The following SSBP3 variants were observed in gnomAD, a reference collection of about 807,000 sequenced individuals.
The protein encoded by SSBP3 is single stranded DNA binding protein 3, also known as single-stranded DNA-binding protein 3.
A neutral mutation model predicts 69.6 loss-of-function variants in SSBP3; 5 were observed. The ratio of observed to expected loss-of-function variants is 0.07; its 90% CI spans 0.04 to 0.15. SSBP3 has a LOEUF of 0.15. Ranked by LOEUF, SSBP3 falls within the 10% of genes least tolerant of loss-of-function variation. SSBP3 has a pLI of 1.00. For synonymous variants in SSBP3, 196 were observed against 193.4 expected (o/e 1.01, Z -0.11); for missense variants, 312 against 534.0 (o/e 0.58, Z 4.10).
At chr1:54,413,004 G>C (rs1306343644) in intron 1 of SSBP3, 1 of 152,172 alleles carries the variant, frequency 6.6e-6, no homozygotes, top group African/African-American at 2.4e-5. Context: ...GTGAGCCACC[G>C]CGCCTGGCCT....
In SSBP3 at chr1:54,355,705, A is replaced by G. The variant is rs376233495; in HGVS notation, c.276+46156T>C. ...TCCCAAATTTAAGGAGGCTTCTTGG[A>G]AAACTAAAGGAGTTATCTTAAAGTC... On this transcript the variant is annotated intron_variant, in intron 4 of 17. Transcript: ENST00000610401. Among the ~76,000 whole-genome samples the G allele has an allele frequency of 1.3e-3, 201 of 152,314 alleles. 8 individuals are homozygous for G. The South Asian group carries it at 0.027, about 21-fold the overall frequency.
At position 54,243,268 on chromosome 1, in the gene SSBP3, T is replaced by C. The variant is rs1452248630; in HGVS notation, c.683A>G (p.Asn228Ser). The C allele has an allele frequency of 2.5e-6, 4 of 1,601,372 alleles. No homozygotes were observed. The East Asian group carries it at 9.1e-5, about 36-fold the overall frequency. ...CCCGGGCATGGCGGGGCCGAGGGAG[T>C]TGGGTGGTGGTCTCATGCCGCTGCC... is the stretch of plus-strand genomic sequence containing the variant. Residue 228 changes from asparagine (N) to serine (S), a missense_variant, in exon 10 of 18, where the codon AAC (asparagine) becomes AGC (serine). Physicochemically the swap from Asn to Ser is conservative, Grantham distance 46. This residue lies in a region of SSBP3 where 84 missense variants were observed against 90.4 expected (regional missense o/e 0.93). Coordinates refer to ENST00000610401, the Ensembl canonical transcript of SSBP3.
At chr1:54,349,549 A>G (rs1278942293) in intron 4 of SSBP3, among the ~76,000 whole-genome samples, 1 of 152,166 alleles carries the variant, frequency 6.6e-6, no homozygotes, top group East Asian at 1.9e-4. Flanking sequence ...AGCCAAAATC[A>G]AAGAGGAGAC....
At chr1:54,299,777 ACTT>A (rs149124684) in intron 4 of SSBP3, among the ~76,000 whole-genome samples, 4,329 of 152,092 alleles carry the variant, frequency 0.028, 202 homozygotes, top group African/African-American at 0.1. Flanking sequence ...GCCTTAATCT[ACTT>A]CTTTCTCCAA....
intron 4 of SSBP3, chr1:54,287,054 C>A (rs1645504340): frequency 6.6e-6 from 1 of 152,196 alleles, no homozygotes; most frequent in African/African-American, 2.4e-5. Flanking sequence ...GCATTCCCTG[C>A]AAGATACTAT....
At chr1:54,259,548 A>G (rs2100757350) in intron 5 of SSBP3, among the ~76,000 whole-genome samples, 1 of 152,310 alleles carries the variant, frequency 6.6e-6, no homozygotes, top group African/African-American at 2.4e-5. Context: ...TGTTTTTTAG[A>G]GGTTGGTTTT....
At chr1:54,230,769 G>A (rs990264314) in intron 14 of SSBP3, among the ~76,000 whole-genome samples, 1 of 152,140 alleles carries the variant, frequency 6.6e-6, no homozygotes. Flanking sequence ...ATAGAATCAC[G>A]TGAGCTTTTG....
At chr1:54,270,153 A>G (rs930354123) in intron 5 of SSBP3, among the ~76,000 whole-genome samples, 1 of 152,236 alleles carries the variant, frequency 6.6e-6, no homozygotes, top group African/African-American at 2.4e-5. Flanking sequence ...CAGATGAACC[A>G]GGGAGAGCTG....
At chr1:54,292,904 C>G (rs987478673) in intron 4 of SSBP3, among the ~76,000 whole-genome samples, 1 of 152,088 alleles carries the variant, frequency 6.6e-6, no homozygotes, top group African/African-American at 2.4e-5. Flanking sequence ...GGCATCACAT[C>G]CCTACCCTGC....
chr1:54,294,157 AAAAAAGAAAGAAAGAAAG>A (rs775413191), intron 4 of SSBP3, among the ~76,000 whole-genome samples: 3,529 of 102,018 alleles, frequency 0.035, 153 homozygotes, highest in Admixed American at 0.16. Context: ...AAAAAAAAAA[AAAAAAGAAAGAAAGAAAG>A]AAAGAAAGAA....
chr1:54,274,572 G>A (rs1332658042), intron 5 of SSBP3, among the ~76,000 whole-genome samples: 1 of 152,080 alleles, frequency 6.6e-6, no homozygotes, highest in Non-Finnish European at 1.5e-5. Context: ...AGTAAGCTGG[G>A]CCTCCTTTAG....
At chr1:54,225,478 G>T in exon 18 of SSBP3, 7 of 1,155,216 alleles carry the variant, frequency 6.1e-6, no homozygotes, top group Non-Finnish European at 7.6e-6. Context: ...AACATATATC[G>T]TACACAAACT....
intron 4 of SSBP3, among the ~76,000 whole-genome samples, chr1:54,287,815 T>C (rs531310926): frequency 1.4e-4 from 21 of 152,282 alleles, no homozygotes; most frequent in African/African-American, 5.1e-4. Flanking sequence ...AGAGGATTCC[T>C]GGTTTCATAT....
At chr1:54,312,319 G>A (rs1331317194) in intron 4 of SSBP3, among the ~76,000 whole-genome samples, 1 of 151,912 alleles carries the variant, frequency 6.6e-6, no homozygotes, top group East Asian at 1.9e-4. Flanking sequence ...GCCGGACAAG[G>A]TGGCTCACAC....
chr1:54,329,277 C>T (rs1442791560), intron 4 of SSBP3, among the ~76,000 whole-genome samples: 2 of 152,164 alleles, frequency 1.3e-5, no homozygotes, highest in Non-Finnish European at 2.9e-5. Context: ...AAGGCAGACA[C>T]ATTAAGAAGG....
intron 14 of SSBP3, 137 bp from the exon 15 acceptor site, chr1:54,228,963 A>C: frequency 1.1e-6 from 1 of 877,238 alleles, no homozygotes; most frequent in South Asian, 1.6e-5. Flanking sequence ...ACACTCGGAC[A>C]TGTCCTGCCT....
At chr1:54,282,274 C>G (rs1487920590) in intron 4 of SSBP3, among the ~76,000 whole-genome samples, 2 of 152,164 alleles carry the variant, frequency 1.3e-5, no homozygotes, top group African/African-American at 4.8e-5. Context: ...TCTGTGCCCT[C>G]TGCAAGTGGC....
rs369456403 is a variant in SSBP3 at position 54,242,498 on chromosome 1, C to T, written c.717-286G>A. 9.2e-5 allele frequency among the ~76,000 whole-genome samples: 14 copies of T among 152,324 alleles called. No individual in the cohort carries two copies. The East Asian group carries it at 1.9e-3, about 21-fold the overall frequency. The stretch of plus-strand genomic sequence containing the variant: ...TTTTCCTAGGAAGGGAGTCCACATT[C>T]TCACAACAGGGTTAAAAATCACAAA... On this transcript the variant is annotated intron_variant, in intron 10 of 17. Coordinates refer to ENST00000610401, the Ensembl canonical transcript of SSBP3.
At chr1:54,370,288 C>G (rs867627608) in intron 4 of SSBP3, among the ~76,000 whole-genome samples, 1 of 152,242 alleles carries the variant, frequency 6.6e-6, no homozygotes, top group Non-Finnish European at 1.5e-5. Flanking sequence ...AACAACATCA[C>G]TGGCCAACTT....
Sources: allele counts gnomAD v4.1 joint callset (sites outside exome capture counted in the v4.1 genomes callset), GRCh38; gene constraint gnomAD v4.1.1; regional missense constraint gnomAD v4.1.1; transcripts MANE v1.5; gene names NCBI Gene and HGNC (gene_info 2026-07-23, HGNC 2026-07-21).